PCDHGA1: variants seen among roughly 807,000 people sequenced by gnomAD.
PCDHGA1 encodes the protein protocadherin gamma subfamily A, 1.
Under a neutral mutation model 58.0 loss-of-function variants are expected in PCDHGA1, and 32 were observed. The ratio of observed to expected loss-of-function variants is 0.55; its 90% confidence interval spans 0.42 to 0.74. PCDHGA1 has a LOEUF of 0.74. Ranked by LOEUF, PCDHGA1 falls within the 30% of genes least tolerant of loss-of-function variation. PCDHGA1 has a pLI of 0.00. For synonymous variants in PCDHGA1, 498 were observed against 501.1 expected (o/e 0.99, Z 0.08); for missense variants, 1,205 against 1,182.3 (o/e 1.02, Z -0.28).
At chr5:141,481,838 T>G (rs1297962011) in intron 1 of PCDHGA1, among the ~76,000 whole-genome samples, 2 of 150,868 alleles carry the variant, frequency 1.3e-5, no homozygotes, top group African/African-American at 4.9e-5. Flanking sequence ...GGAGAATCGC[T>G]TGATGGTGGA....
intron 1 of PCDHGA1, among the ~76,000 whole-genome samples, chr5:141,460,307 C>A (rs1025049001): frequency 6.6e-6 from 1 of 152,102 alleles, no homozygotes; most frequent in African/African-American, 2.4e-5. Context: ...TATTCAAAAA[C>A]TCCTTGCCTA....
intron 1 of PCDHGA1, chr5:141,421,627 T>C: frequency 6.2e-7 from 1 of 1,613,846 alleles, no homozygotes; most frequent in Non-Finnish European, 8.5e-7. Context: ...CGCCCCCAGC[T>C]TCCAGGAGGA....
chr5:141,453,050 C>A (rs2098754757), intron 1 of PCDHGA1, among the ~76,000 whole-genome samples: 3 of 152,006 alleles, frequency 2.0e-5, no homozygotes, highest in Non-Finnish European at 4.4e-5. Context: ...CTATTATGTG[C>A]AGTTTTAGAG....
chr5:141,355,445 G>A (rs1309523681), intron 1 of PCDHGA1: 4 of 1,613,988 alleles, frequency 2.5e-6, no homozygotes, highest in Non-Finnish European at 3.4e-6. Context: ...CCGCGCAGCG[G>A]CACCTTGGTC....
chr5:141,345,743 C>T (rs745630768), intron 1 of PCDHGA1: 53 of 1,614,112 alleles, frequency 3.3e-5, no homozygotes, highest in African/African-American at 6.7e-5. Flanking sequence ...TCCCCACAGA[C>T]GGTTCCACTG....
rs773806445 is a variant in PCDHGA1 at position 141,346,087 on chromosome 5, A to G, written c.2421+12982A>G. On this transcript the variant is annotated intron_variant, in intron 1 of 3. Transcript: ENST00000517417. The stretch of plus-strand genomic sequence containing the variant: ...AGCCTCGAGCCCTCCGCCAAACCCA[A>G]CGATTCGGACCTCACTCTGTACCTG... 8.7e-6 allele frequency: 14 copies of G among 1,612,620 alleles called. No homozygotes were observed. The Admixed American group carries it at 2.2e-4, about 25-fold the overall frequency.
At chr5:141,348,006 G>A (rs536087157) in intron 1 of PCDHGA1, among the ~76,000 whole-genome samples, 65 of 152,256 alleles carry the variant, frequency 4.3e-4, no homozygotes, top group Admixed American at 3.5e-3. Context: ...CAGCCTCTGC[G>A]GGAGATTTCC....
chr5:141,366,069 G>A (rs544928184), intron 1 of PCDHGA1: 10 of 1,614,216 alleles, frequency 6.2e-6, no homozygotes, highest in Non-Finnish European at 8.5e-6. Context: ...CTGGCGCCTC[G>A]CTCCGCAGAA....
At chr5:141,399,062 C>T in intron 1 of PCDHGA1, 1 of 1,613,790 alleles carries the variant, frequency 6.2e-7, no homozygotes, top group Non-Finnish European at 8.5e-7. Context: ...AAGGAATATT[C>T]AATGGTTGTA....
Position 141,423,884 on chromosome 5 carries a change from T to C in PCDHGA1, c.2422-70923T>C, listed in dbSNP as rs1253750785. On this transcript the variant is annotated intron_variant, in intron 1 of 3. Transcript: ENST00000517417. ...TGAAAGTCATTTTTCAATCTTGGCA[T>C]ATTTTCTTTTGATTTCAAAGGGGCC... The C allele has an allele frequency of 6.2e-6, 8 of 1,282,566 alleles. No individual in the cohort carries two copies. In the African/African-American group the frequency reaches 1.2e-4, roughly 20 times the overall value. 79.4% of individuals were successfully genotyped at this position (1,282,566 alleles called of 1,614,324 possible). A position where few individuals can be genotyped will look rare whatever the true frequency, so the allele number is the denominator to read the frequency against.
chr5:141,479,801 G>A (rs2099507037), intron 1 of PCDHGA1, among the ~76,000 whole-genome samples: 1 of 152,118 alleles, frequency 6.6e-6, no homozygotes, highest in Non-Finnish European at 1.5e-5. Flanking sequence ...AATTCAGGGT[G>A]GTATGCAAGG....
intron 1 of PCDHGA1, chr5:141,421,506 G>T: frequency 6.2e-7 from 1 of 1,614,076 alleles, no homozygotes; most frequent in Non-Finnish European, 8.5e-7. Context: ...GGATAGACCG[G>T]GAGGAGCTCT....
At chr5:141,498,971 G>GGGAGGGAAGGAAGGAAGGAAGGAA (rs2099787588) in intron 2 of PCDHGA1, among the ~76,000 whole-genome samples, 6 of 110,972 alleles carry the variant, frequency 5.4e-5, no homozygotes, top group Admixed American at 5.3e-4. Flanking sequence ...GAGGGAGGGA[G>GGGAGGGAAGGAAGGAAGGAAGGAA]GGAAGGAAGG....
At chr5:141,406,544 T>A (rs1254762260) in intron 1 of PCDHGA1, among the ~76,000 whole-genome samples, 1 of 152,222 alleles carries the variant, frequency 6.6e-6, no homozygotes, top group Non-Finnish European at 1.5e-5. Context: ...AGATTCAAAC[T>A]TCAGTTATCC....
At chr5:141,337,400 T>C (rs1251149261) in intron 1 of PCDHGA1, among the ~76,000 whole-genome samples, 5 of 152,156 alleles carry the variant, frequency 3.3e-5, no homozygotes, top group African/African-American at 1.2e-4. Context: ...AATGGGTAAA[T>C]AAAAAGTGGT....
chr5:141,384,787 C>A, intron 1 of PCDHGA1: 2 of 1,613,552 alleles, frequency 1.2e-6, no homozygotes, highest in Admixed American at 3.3e-5. Flanking sequence ...GCGCACGGCT[C>A]GGGCCCTGCT....
chr5:141,439,390 C>T (rs528547728), intron 1 of PCDHGA1, among the ~76,000 whole-genome samples: 1 of 152,266 alleles, frequency 6.6e-6, no homozygotes, highest in South Asian at 2.1e-4. Flanking sequence ...GTCATCACTT[C>T]GACTTCATGT....
At chr5:141,422,684 C>T (rs2096664410) in intron 1 of PCDHGA1, 1 of 1,604,876 alleles carries the variant, frequency 6.2e-7, no homozygotes, top group Admixed American at 1.7e-5. Flanking sequence ...AAACAGAATG[C>T]CCTGGTCACT....
At chr5:141,356,326 T>C (rs1262084306) in intron 1 of PCDHGA1, 3 of 1,554,336 alleles carry the variant, frequency 1.9e-6, no homozygotes, top group Non-Finnish European at 2.6e-6. Flanking sequence ...TGACAGTGAC[T>C]CAGGAGGAAA....
Sources: gnomAD v4.1 joint callset for allele counts (sites outside exome capture counted in the v4.1 genomes callset) on GRCh38, gnomAD v4.1.1 for gene constraint, MANE v1.5 for transcripts, NCBI Gene and HGNC (gene_info 2026-07-23, HGNC 2026-07-21) for gene names.